Variants in NOMO1 observed in about 807,000 individuals in gnomAD.
NOMO1 encodes NODAL modulator 1, also known as nodal modulator 3.
A neutral mutation model predicts 133.8 loss-of-function variants in NOMO1; 40 were observed. That is an observed-to-expected ratio of 0.30 (90% CI 0.23 to 0.39). The LOEUF (loss-of-function observed/expected upper bound fraction) is 0.39. Among genes scored for constraint, NOMO1 ranks in the 10% least tolerant of loss-of-function variants. The pLI is 1.00. For missense variants in NOMO1, 462 were observed against 1,419.9 expected (o/e 0.33, Z 10.84); for synonymous variants, 236 against 570.5 (o/e 0.41, Z 8.36).
chr16:14,882,636 G>A lies in NOMO1; in HGVS notation c.3070G>A (p.Asp1024Asn), dbSNP rs750929683. The A allele has an allele frequency of 9.9e-6, 16 of 1,611,470 alleles. 2 individuals carry two copies. The Admixed American group carries it at 1.2e-4, about 12-fold the overall frequency. Residue 1024 changes from aspartate to asparagine, a missense_variant, in exon 26 of 31, where the codon GAC becomes AAC. Physicochemically the swap from Asp to Asn is conservative, Grantham distance 23. Transcript: ENST00000287667. ...CGTTCAGCTCAAGGCAGAAGGCAAC[G>A]ACCACATTGAGCGGGCGCTCCCCCA... ...YHVQLKAEGN[D>N]HIERALPHHR...
rs1171980444 is a variant in NOMO1 at position 14,864,727 on chromosome 16, G to A, written c.1537+1G>A. On this transcript the variant is annotated splice_donor_variant, in intron 13 of 30. Transcript: ENST00000287667. LOFTEE classifies it high-confidence loss of function. ...GTTTCTGGGAAAGTCTCTTGTTTGG[G>A]TAAGATATCACTGGAAAGTAAGAAC... The A allele has an allele frequency of 6.2e-7, 1 of 1,613,580 alleles. No homozygotes were observed. Among genetic ancestry groups the A allele is most frequent in the East Asian group, 2.2e-5 (1 of 44,874 alleles).
Position 14,863,166 on chromosome 16 carries a change from A to G in NOMO1, c.1374A>G (p.Lys458=). Residue 458 remains lysine (K), a synonymous_variant, in exon 12 of 31, where the codon AAA becomes AAG. Transcript: ENST00000287667. ...ATGGATCATTTTGTTTTAAAGCAAAACCAGGGACTTACAAAGTGCAGGTGC... is the reference window on the plus strand; with the variant it reads ...ATGGATCATTTTGTTTTAAAGCAAAGCCAGGGACTTACAAAGTGCAGGTGC... The part of the protein sequence containing the change: ...DAHGSFCFKA[K]PGTYKVQVMV... The G allele has an allele frequency of 6.2e-7, 1 of 1,608,606 alleles. No individual in the cohort carries two copies. The highest frequency in any genetic ancestry group is 8.5e-7 in the Non-Finnish European group (1 of 1,177,774).
At chr16:14,887,373 A>G in intron 28 of NOMO1, among the ~76,000 whole-genome samples, 1 of 151,284 alleles carries the variant, frequency 6.6e-6, no homozygotes, top group Non-Finnish European at 1.5e-5. Flanking sequence ...GGCTCACTGC[A>G]AGCTCCGCCT....
chr16:14,866,049 G>A (rs1482327356), intron 14 of NOMO1, among the ~76,000 whole-genome samples: 1 of 144,918 alleles, frequency 6.9e-6, no homozygotes, highest in Non-Finnish European at 1.5e-5. Flanking sequence ...ATGGAAATTG[G>A]TTCCAGTTTT....
rs749924041 is a variant in NOMO1 at position 14,853,614 on chromosome 16, G to A, written c.873+10G>A. On this transcript the variant is annotated intron_variant, in intron 8 of 30. Transcript: ENST00000287667. ...TGGGGGCTACACTGTGGTGAGTAAA[G>A]CAGATTTCCGTTCTGTTTATGTCTG... 3.7e-6 allele frequency: 6 copies of A among 1,611,416 alleles called. No homozygotes were observed. Among genetic ancestry groups the A allele is most frequent in the Non-Finnish European group, 5.1e-6 (6 of 1,179,824 alleles).
intron 9 of NOMO1, among the ~76,000 whole-genome samples, chr16:14,854,359 G>T: frequency 7.5e-6 from 1 of 132,584 alleles, no homozygotes; most frequent in African/African-American, 2.8e-5. Context: ...TTTTAAGATA[G>T]GGTCTCACTG....
chr16:14,839,262 G>A (rs2151891854), intron 2 of NOMO1, among the ~76,000 whole-genome samples: 1 of 151,908 alleles, frequency 6.6e-6, no homozygotes, highest in South Asian at 2.1e-4. Context: ...TGCCATGTTG[G>A]CCAGGCTGGT....
Position 14,863,045 on chromosome 16 carries a change from G to A in NOMO1, c.1253G>A (p.Arg418His), listed in dbSNP as rs767260491. 12 of 1,610,782 alleles carry A rather than the reference G, an allele frequency of 7.4e-6. No individual in the cohort carries two copies. In the East Asian group the frequency reaches 8.9e-5, roughly 12 times the overall value. ...FSVCGQISII[R>H]FPDTVKQMNK... ...GTCTGTGGTCAGATATCAATCATTC[G>A]CTTCCCCGACACCGTCAAGCAGATG... Residue 418 changes from arginine to histidine, a missense_variant, in exon 12 of 31, where the codon CGC (arginine) becomes CAC (histidine). Coordinates refer to ENST00000287667, the MANE Select transcript of NOMO1 (RefSeq NM_014287.4).
intron 29 of NOMO1, among the ~76,000 whole-genome samples, chr16:14,889,454 C>T (rs1311203060): frequency 2.6e-5 from 4 of 152,042 alleles, no homozygotes; most frequent in Non-Finnish European, 5.9e-5. Flanking sequence ...ATCACTTGAG[C>T]CTGGGAGGTT....
At chr16:14,857,032 AGAG>A (rs1404770354) in intron 9 of NOMO1, among the ~76,000 whole-genome samples, 182 bp from the exon 10 acceptor site, 2 of 152,056 alleles carry the variant, frequency 1.3e-5, no homozygotes, top group African/African-American at 4.8e-5. Flanking sequence ...GGAACACAAC[AGAG>A]AAGACAGATG....
At chr16:14,846,814 A>T (rs896057206) in intron 5 of NOMO1, 131 bp downstream of exon 5, 4 of 1,565,066 alleles carry the variant, frequency 2.6e-6, no homozygotes, top group Non-Finnish European at 3.5e-6. Context: ...GGGTGAGTTC[A>T]TGCCCGTCAG....
intron 3 of NOMO1, among the ~76,000 whole-genome samples, chr16:14,841,944 T>G (rs1199762527): frequency 6.6e-6 from 1 of 151,792 alleles, no homozygotes; most frequent in Non-Finnish European, 1.5e-5. Context: ...GTAGTTATAG[T>G]CCCTGCCCCA....
chr16:14,870,959 C>G (rs1425868795), intron 16 of NOMO1, among the ~76,000 whole-genome samples: 1 of 146,538 alleles, frequency 6.8e-6, no homozygotes, highest in Non-Finnish European at 1.5e-5. Context: ...TTGATGGTAA[C>G]TACTCTGGGG....
chr16:14,855,912 T>A (rs1267082465), intron 9 of NOMO1, among the ~76,000 whole-genome samples: 1 of 152,064 alleles, frequency 6.6e-6, no homozygotes, highest in Non-Finnish European at 1.5e-5. Context: ...ATGAAACATG[T>A]CTTTTTGGAA....
At chr16:14,836,860 C>T (rs1372656202) in intron 1 of NOMO1, among the ~76,000 whole-genome samples, 3 of 151,108 alleles carry the variant, frequency 2.0e-5, no homozygotes, top group East Asian at 2.0e-4. Flanking sequence ...CGCCCGCCAC[C>T]GCGCCCGGCT....
chr16:14,873,892 C>T (rs1433855225), intron 18 of NOMO1, among the ~76,000 whole-genome samples: 2 of 151,668 alleles, frequency 1.3e-5, no homozygotes, highest in African/African-American at 2.4e-5. Flanking sequence ...TGGCAGCTCC[C>T]GCTTTCTCCT....
rs199506501 is a variant in NOMO1 at position 14,875,057 on chromosome 16, C to T, written c.2076C>T (p.Pro692=). Residue 692 remains proline, a synonymous_variant, in exon 19 of 31, where the codon CCC becomes CCT. Coordinates refer to ENST00000287667, the MANE Select transcript of NOMO1 (RefSeq NM_014287.4). ...VTIKSSIDSE[P]ALVLGPLKSV... ...CTAGGTCTTCCATCGACAGTGAACC[C>T]GCCTTGGTCTTAGGCCCTCTGAAGT... 68 of 1,613,816 alleles carry T rather than the reference C, an allele frequency of 4.2e-5. 1 individual carries two copies. In the Admixed American group the frequency reaches 5.0e-4, roughly 12 times the overall value.
At chr16:14,875,004 C>T (rs758608954) in intron 18 of NOMO1, 32 bp from the exon 19 acceptor site, 3 of 1,613,718 alleles carry the variant, frequency 1.9e-6, no homozygotes, top group Non-Finnish European at 2.5e-6. Flanking sequence ...CAAGGATACG[C>T]AACTATGTCC....
chr16:14,864,547 C>T (rs369896677), intron 12 of NOMO1, 38 bp from the exon 13 acceptor site: 349 of 1,612,956 alleles, frequency 2.2e-4, no homozygotes, highest in South Asian at 2.6e-4. Flanking sequence ...AAGATCTCCC[C>T]GAATGCAGCC....
Sources: gnomAD v4.1 joint callset for allele counts (sites outside exome capture counted in the v4.1 genomes callset) on GRCh38, gnomAD v4.1.1 for gene constraint, MANE v1.5 for transcripts, NCBI Gene and HGNC (gene_info 2026-07-23, HGNC 2026-07-21) for gene names.